Variants in CTNNA3 observed in about 807,000 individuals in gnomAD.
The protein encoded by CTNNA3 is catenin alpha 3.
A neutral mutation model predicts 95.7 loss-of-function variants in CTNNA3; 76 were observed. That is an observed-to-expected ratio of 0.79 (90% CI 0.66 to 0.96). CTNNA3 has a LOEUF of 0.96. Among genes scored for constraint, CTNNA3 ranks in the 40% least tolerant of loss-of-function variants. The pLI is 0.00. For missense variants in CTNNA3, 1,191 were observed against 1,089.8 expected, an observed-to-expected ratio of 1.09 and a Z score of -1.31; for synonymous variants, 431 against 374.4, an observed-to-expected ratio of 1.15 and a Z score of -1.74.
chr10:66,670,586 G>A (rs925400091), intron 9 of CTNNA3, among the ~76,000 whole-genome samples: 3 of 152,008 alleles, frequency 2.0e-5, no homozygotes, highest in South Asian at 2.1e-4. Flanking sequence ...TCCCCTCACC[G>A]ACTGATTTTT....
intron 10 of CTNNA3, among the ~76,000 whole-genome samples, chr10:66,598,714 A>G (rs1843811716): frequency 6.6e-6 from 1 of 151,992 alleles, no homozygotes; most frequent in African/African-American, 2.4e-5. Flanking sequence ...CCTGGATACT[A>G]AAAACTAGAA....
At chr10:66,982,450 A>G (rs1020095167) in intron 7 of CTNNA3, among the ~76,000 whole-genome samples, 84 of 152,280 alleles carry the variant, frequency 5.5e-4, no homozygotes, top group African/African-American at 2.0e-3. Flanking sequence ...ACACTTCTTG[A>G]GAAGATAATT....
At chr10:65,947,424 G>A (rs936977134) in intron 17 of CTNNA3, among the ~76,000 whole-genome samples, 7 of 151,872 alleles carry the variant, frequency 4.6e-5, no homozygotes, top group Non-Finnish European at 1.0e-4. Flanking sequence ...TGACTACTAC[G>A]ACTATTATTA....
At chr10:66,521,423 C>T (rs1259299707) in intron 10 of CTNNA3, among the ~76,000 whole-genome samples, 1 of 151,966 alleles carries the variant, frequency 6.6e-6, no homozygotes, top group Non-Finnish European at 1.5e-5. Flanking sequence ...ATGCCTTTAA[C>T]AGATTTTTTT....
chr10:66,857,879 A>G (rs1226798701), intron 7 of CTNNA3, among the ~76,000 whole-genome samples: 1 of 151,994 alleles, frequency 6.6e-6, no homozygotes, highest in Non-Finnish European at 1.5e-5. Flanking sequence ...CTCTCTTTCT[A>G]TTTGGATGTC....
chr10:66,737,822 C>A (rs1311544716), intron 9 of CTNNA3, among the ~76,000 whole-genome samples: 2 of 152,074 alleles, frequency 1.3e-5, no homozygotes, highest in Admixed American at 6.6e-5. Flanking sequence ...CCACACCTAG[C>A]TAATTTTTGT....
chr10:67,745,433 C>G (rs1480495688), intron 1 of CTNNA3, among the ~76,000 whole-genome samples: 1 of 146,980 alleles, frequency 6.8e-6, no homozygotes, highest in Non-Finnish European at 1.5e-5. Flanking sequence ...ACCACATGTT[C>G]TCACTCATAG....
chr10:67,154,455 T>C (rs1052361867), intron 7 of CTNNA3, among the ~76,000 whole-genome samples: 3 of 152,232 alleles, frequency 2.0e-5, no homozygotes, highest in African/African-American at 7.2e-5. Context: ...GTATTTCTCA[T>C]TGAATTACAA....
chr10:67,218,170 C>T (rs10740270), intron 6 of CTNNA3, among the ~76,000 whole-genome samples: 24,074 of 152,096 alleles, frequency 0.16, 2,460 homozygotes, highest in African/African-American at 0.29. Context: ...ATGCTCAACC[C>T]GTATGATCCT....
At chr10:67,101,498 T>G (rs1274224595) in intron 7 of CTNNA3, among the ~76,000 whole-genome samples, 1 of 151,772 alleles carries the variant, frequency 6.6e-6, no homozygotes, top group Non-Finnish European at 1.5e-5. Flanking sequence ...AATTGATGTA[T>G]AGAACCTAAA....
At chr10:66,192,220 C>T (rs1437878910) in intron 13 of CTNNA3, among the ~76,000 whole-genome samples, 1 of 152,024 alleles carries the variant, frequency 6.6e-6, no homozygotes, top group East Asian at 1.9e-4. Flanking sequence ...AATACCTTCA[C>T]ACACTCCCCC....
At chr10:67,404,392 A>G (rs963759516) in intron 5 of CTNNA3, among the ~76,000 whole-genome samples, 1 of 152,074 alleles carries the variant, frequency 6.6e-6, no homozygotes, top group Non-Finnish European at 1.5e-5. Context: ...AAAAAACACA[A>G]CAAGAACTTC....
chr10:67,399,846 G>A (rs1038217370), intron 5 of CTNNA3, among the ~76,000 whole-genome samples: 1 of 152,160 alleles, frequency 6.6e-6, no homozygotes, highest in African/African-American at 2.4e-5. Context: ...CATAGATCAA[G>A]TACACATTCA....
intron 7 of CTNNA3, among the ~76,000 whole-genome samples, chr10:67,169,630 C>T (rs1159993299): frequency 6.6e-6 from 1 of 152,074 alleles, no homozygotes; most frequent in Admixed American, 6.6e-5. Flanking sequence ...AAAATCAAGT[C>T]AAGATGAATT....
At chr10:67,409,524 GA>G (rs1845283926) in intron 5 of CTNNA3, among the ~76,000 whole-genome samples, 1 of 151,892 alleles carries the variant, frequency 6.6e-6, no homozygotes, top group Admixed American at 6.6e-5. Context: ...TTATAAGTGG[GA>G]GGTGAATGAT....
chr10:67,125,165 C>A (rs543896680), intron 7 of CTNNA3, among the ~76,000 whole-genome samples: 23 of 152,006 alleles, frequency 1.5e-4, no homozygotes, highest in African/African-American at 4.8e-4. Flanking sequence ...ATATTTAATA[C>A]GTTTTTTCAA....
At chr10:66,867,915 T>C (rs565732501) in intron 7 of CTNNA3, among the ~76,000 whole-genome samples, 1 of 150,244 alleles carries the variant, frequency 6.7e-6, no homozygotes, top group South Asian at 2.1e-4. Flanking sequence ...AAAAATTAAC[T>C]TAGTAGGAAG....
chr10:66,415,301 G>A (rs1243742901), intron 11 of CTNNA3, among the ~76,000 whole-genome samples: 10 of 149,338 alleles, frequency 6.7e-5, no homozygotes, highest in Middle Eastern at 3.5e-3. Flanking sequence ...CACTCCTCTC[G>A]GGGACCTGAG....
intron 3 of CTNNA3, among the ~76,000 whole-genome samples, chr10:67,540,430 A>G (rs1052251286): frequency 1.3e-5 from 2 of 151,966 alleles, no homozygotes; most frequent in Non-Finnish European, 2.9e-5. Flanking sequence ...CGTGTCCATT[A>G]CTTTTAAATA....
Sources: gnomAD v4.1 joint callset for allele counts (sites outside exome capture counted in the v4.1 genomes callset) on GRCh38, gnomAD v4.1.1 for gene constraint, MANE v1.5 for transcripts, NCBI Gene and HGNC (gene_info 2026-07-23, HGNC 2026-07-21) for gene names.